ADCY8: variants seen among roughly 807,000 people sequenced by gnomAD.
ADCY8 encodes the protein adenylate cyclase 8.
A neutral mutation model predicts 119.7 loss-of-function variants in ADCY8; 51 were observed. That is an observed-to-expected ratio of 0.43 (90% CI 0.34 to 0.54). The LOEUF (loss-of-function observed/expected upper bound fraction) is 0.54, where lower values mean the gene tolerates loss of function less well. Among genes scored for constraint, ADCY8 ranks in the 20% least tolerant of loss-of-function variants. The pLI is 0.03. For synonymous variants in ADCY8, 665 were observed against 651.0 expected (o/e 1.02, Z -0.33); for missense variants, 1,383 against 1,598.8 (o/e 0.87, Z 2.30).
At chr8:130,961,975 T>C (rs899580220) in intron 2 of ADCY8, among the ~76,000 whole-genome samples, 3 of 152,158 alleles carry the variant, frequency 2.0e-5, no homozygotes, top group South Asian at 4.1e-4. Context: ...ACTCTGTCTC[T>C]AAAAAGAAAA....
At chr8:130,981,875 A>C (rs373568996) in intron 2 of ADCY8, among the ~76,000 whole-genome samples, 1 of 152,198 alleles carries the variant, frequency 6.6e-6, no homozygotes, top group Non-Finnish European at 1.5e-5. Flanking sequence ...TTGAGGCCCC[A>C]CTATGTCAGC....
intron 7 of ADCY8, among the ~76,000 whole-genome samples, chr8:130,888,648 G>A (rs1819076070): frequency 6.6e-6 from 1 of 152,120 alleles, no homozygotes; most frequent in African/African-American, 2.4e-5. Flanking sequence ...TCTGATGATA[G>A]GATCTTGCTT....
intron 2 of ADCY8, among the ~76,000 whole-genome samples, chr8:130,982,294 T>C (rs1822263977): frequency 6.6e-6 from 1 of 152,154 alleles, no homozygotes; most frequent in African/African-American, 2.4e-5. Context: ...TAAAACAGAA[T>C]GTGATAAACT....
At chr8:130,802,917 C>T (rs1815827009) in intron 14 of ADCY8, among the ~76,000 whole-genome samples, 1 of 152,224 alleles carries the variant, frequency 6.6e-6, no homozygotes. Context: ...GGCCTGATAA[C>T]TTTGAGGCAT....
At chr8:131,039,067 A>G (rs1824260547) in intron 1 of ADCY8, among the ~76,000 whole-genome samples, 1 of 152,124 alleles carries the variant, frequency 6.6e-6, no homozygotes, top group South Asian at 2.1e-4. Context: ...TGCTCCGGAG[A>G]CTGCAGACCC....
chr8:130,793,028 T>C (rs1288152431), intron 15 of ADCY8, among the ~76,000 whole-genome samples: 3 of 152,120 alleles, frequency 2.0e-5, no homozygotes, highest in African/African-American at 7.2e-5. Context: ...CCTGTCTAAA[T>C]AGAAAGTACC....
chr8:130,996,821 A>G (rs1358965311), intron 1 of ADCY8, among the ~76,000 whole-genome samples: 1 of 152,202 alleles, frequency 6.6e-6, no homozygotes, highest in Non-Finnish European at 1.5e-5. Context: ...AACAAAACCA[A>G]TCTGATACCT....
chr8:131,021,247 C>T (rs1355028138), intron 1 of ADCY8, among the ~76,000 whole-genome samples: 2 of 152,094 alleles, frequency 1.3e-5, no homozygotes, highest in African/African-American at 4.8e-5. Flanking sequence ...GGCATGGTGC[C>T]TAGTCGTATC....
intron 15 of ADCY8, among the ~76,000 whole-genome samples, chr8:130,792,554 G>T (rs1815456736): frequency 6.6e-6 from 1 of 152,090 alleles, no homozygotes; most frequent in South Asian, 2.1e-4. Context: ...TTGGTTAGTG[G>T]TGTCTCCATT....
At chr8:130,965,716 G>A (rs751513206) in intron 2 of ADCY8, among the ~76,000 whole-genome samples, 10 of 151,976 alleles carry the variant, frequency 6.6e-5, no homozygotes, top group Non-Finnish European at 1.2e-4. Context: ...ATTTACAGAA[G>A]TTTTTTTAAA....
At chr8:130,909,088 G>GA (rs1285042559) in intron 6 of ADCY8, among the ~76,000 whole-genome samples, 2 of 151,974 alleles carry the variant, frequency 1.3e-5, no homozygotes, top group East Asian at 1.9e-4. Flanking sequence ...AGAGGCTGCA[G>GA]AAAATCACAC....
chr8:130,850,039 C>T (rs949207868), intron 9 of ADCY8, among the ~76,000 whole-genome samples: 3 of 152,090 alleles, frequency 2.0e-5, no homozygotes, highest in Non-Finnish European at 4.4e-5. Flanking sequence ...ATTTATTGCT[C>T]CTGCCCATTT....
At chr8:130,790,114 A>G (rs910279597) in intron 15 of ADCY8, among the ~76,000 whole-genome samples, 3 of 145,456 alleles carry the variant, frequency 2.1e-5, no homozygotes, top group African/African-American at 7.9e-5. Flanking sequence ...GCACATCCCC[A>G]CACATCATGG....
intron 3 of ADCY8, 99 bp downstream of exon 3, chr8:130,951,769 G>T: frequency 6.9e-7 from 1 of 1,444,850 alleles, no homozygotes; most frequent in Non-Finnish European, 9.5e-7. Context: ...GAGGAAAGGT[G>T]CTGACATTCA....
At chr8:130,879,000 A>G (rs138938159) in intron 8 of ADCY8, among the ~76,000 whole-genome samples, 6 of 152,144 alleles carry the variant, frequency 3.9e-5, no homozygotes, top group African/African-American at 1.4e-4. Flanking sequence ...TGTTTTTGGA[A>G]CACTTAGCTT....
At chr8:130,793,609 A>G (rs1441680576) in intron 15 of ADCY8, among the ~76,000 whole-genome samples, 5 of 152,238 alleles carry the variant, frequency 3.3e-5, no homozygotes, top group Non-Finnish European at 5.9e-5. Flanking sequence ...TACTGGTTCA[A>G]TAAGCCCATA....
chr8:130,938,742 C>T (rs1393819176), intron 4 of ADCY8, among the ~76,000 whole-genome samples: 3 of 152,180 alleles, frequency 2.0e-5, no homozygotes, highest in South Asian at 2.1e-4. Context: ...GGTACTTTCC[C>T]GTCAGATTTC....
intron 5 of ADCY8, among the ~76,000 whole-genome samples, chr8:130,913,700 T>C (rs1820047754): frequency 6.6e-6 from 1 of 152,172 alleles, no homozygotes; most frequent in South Asian, 2.1e-4. Flanking sequence ...AAACATAAAG[T>C]GTGAATGAAA....
At chr8:130,878,659 T>C (rs1354593150) in intron 8 of ADCY8, among the ~76,000 whole-genome samples, 1 of 152,186 alleles carries the variant, frequency 6.6e-6, no homozygotes, top group Admixed American at 6.5e-5. Context: ...GGCAGAGTGA[T>C]GGGATGGTAC....
Sources: gnomAD v4.1 joint callset for allele counts (sites outside exome capture counted in the v4.1 genomes callset) on GRCh38, gnomAD v4.1.1 for gene constraint, MANE v1.5 for transcripts, NCBI Gene and HGNC (gene_info 2026-07-23, HGNC 2026-07-21) for gene names.